OR1F1: variants seen among roughly 807,000 people sequenced by gnomAD.
OR1F1 encodes olfactory receptor 1F1.
For missense variants in OR1F1, 493 were observed against 376.3 expected (o/e 1.31, Z -2.57); for synonymous variants, 184 against 156.7 (o/e 1.17, Z -1.30).
At chr16:3,199,115 C>CAAAAAAAAAAA in the OR1F1 span, among the ~76,000 whole-genome samples, 6 of 52,576 alleles carry the variant, frequency 1.1e-4, no homozygotes, top group African/African-American at 2.0e-4. Context: ...CCTGTCTCTA[C>CAAAAAAAAAAA]AAAAAAAAAA....
chr16:3,191,982 C>T, the OR1F1 span, among the ~76,000 whole-genome samples: 4 of 152,192 alleles, frequency 2.6e-5, no homozygotes, highest in African/African-American at 9.7e-5. Flanking sequence ...AAAGGGCCTG[C>T]TGCTGTGGCT....
chr16:3,205,536 G>C (rs1958197561), downstream of OR1F1, among the ~76,000 whole-genome samples: 1 of 150,300 alleles, frequency 6.7e-6, no homozygotes, highest in Non-Finnish European at 1.5e-5. Flanking sequence ...GCTGGATGCT[G>C]TTGCGGGAAG....
chr16:3,203,970 G>T (rs1300799968), upstream of OR1F1, among the ~76,000 whole-genome samples: 3 of 152,120 alleles, frequency 2.0e-5, no homozygotes, highest in Non-Finnish European at 4.4e-5. Context: ...AACACAAACT[G>T]ACTGAGTTTC....
the OR1F1 span, among the ~76,000 whole-genome samples, chr16:3,197,748 G>A: frequency 2.9e-5 from 3 of 101,986 alleles, no homozygotes; most frequent in African/African-American, 4.0e-5. Context: ...AGAAGGAGAG[G>A]GAGAGGGAGA....
chr16:3,204,941 AG>A lies in OR1F1; in HGVS notation c.698del (p.Gly233GlufsTer48), dbSNP rs1450569712. 1 of 1,613,976 alleles carries A rather than the reference AG, an allele frequency of 6.2e-7. No individual in the cohort carries two copies. Among genetic ancestry groups the A allele is most frequent in the African/African-American group, 1.3e-5 (1 of 74,904 alleles). ...ACTGTCCTGAAGGTCCCATCCACAA[AG>A]GGAAGGTGGAAAGCCTTCTCCACCT... On this transcript the variant is annotated frameshift_variant, in exon 1 of 1. Coordinates refer to ENST00000304646, the Ensembl canonical transcript of OR1F1. LOFTEE classifies it low-confidence loss of function (END_TRUNC).
chr16:3,194,679 G>A, the OR1F1 span, among the ~76,000 whole-genome samples: 5 of 152,096 alleles, frequency 3.3e-5, no homozygotes. Context: ...GGAAAAATAT[G>A]CAGATCAAAA....
chr16:3,195,184 C>G, the OR1F1 span, among the ~76,000 whole-genome samples: 16 of 152,346 alleles, frequency 1.1e-4, no homozygotes, highest in South Asian at 4.1e-4. Context: ...CGCTCTCCCC[C>G]CAACCGTTCC....
the OR1F1 span, among the ~76,000 whole-genome samples, chr16:3,192,967 T>C: frequency 4.6e-5 from 7 of 152,140 alleles, no homozygotes; most frequent in Non-Finnish European, 8.8e-5. Flanking sequence ...AATGGCGTCT[T>C]CCTCTGTCGC....
chr16:3,191,986 T>A, the OR1F1 span, among the ~76,000 whole-genome samples: 1 of 152,194 alleles, frequency 6.6e-6, no homozygotes, highest in Non-Finnish European at 1.5e-5. Flanking sequence ...GGCCTGCTGC[T>A]GTGGCTCGTT....
chr16:3,201,109 A>T (rs188706923), upstream of OR1F1, among the ~76,000 whole-genome samples: 1 of 152,220 alleles, frequency 6.6e-6, no homozygotes, highest in Admixed American at 6.5e-5. Context: ...TTCACTTAGC[A>T]TAATGTCTCA....
the OR1F1 span, among the ~76,000 whole-genome samples, chr16:3,193,632 C>T: frequency 2.0e-5 from 3 of 152,078 alleles, no homozygotes; most frequent in African/African-American, 4.8e-5. Flanking sequence ...GATCTCACTC[C>T]CGTCGCCCAG....
exon 1 of OR1F1, chr16:3,204,616 G>T: frequency 6.2e-7 from 1 of 1,614,124 alleles, no homozygotes; most frequent in South Asian, 1.1e-5. Flanking sequence ...TGACCACTTT[G>T]TCGCCGTGTG....
chr16:3,202,204 C>G (rs527405651), upstream of OR1F1, among the ~76,000 whole-genome samples: 5 of 152,240 alleles, frequency 3.3e-5, no homozygotes, highest in South Asian at 1.0e-3. Flanking sequence ...GGCTGCTAGT[C>G]TGGAAGGATG....
exon 1 of OR1F1, chr16:3,204,494 C>A: frequency 6.2e-7 from 1 of 1,614,164 alleles, no homozygotes; most frequent in Non-Finnish European, 8.5e-7. Context: ...AAGATGCTGG[C>A]CAATCACATA....
the OR1F1 span, among the ~76,000 whole-genome samples, chr16:3,194,545 T>G: frequency 3.3e-5 from 5 of 152,262 alleles, no homozygotes; most frequent in African/African-American, 4.8e-5. Flanking sequence ...ACGGGAGAGA[T>G]GTATGACACT....
the OR1F1 span, among the ~76,000 whole-genome samples, chr16:3,190,016 G>A: frequency 1.7e-4 from 26 of 152,190 alleles, no homozygotes; most frequent in Admixed American, 1.6e-3. Flanking sequence ...GAAGAGACAA[G>A]TCCCTATATA....
chr16:3,202,258 G>A (rs547054415), upstream of OR1F1, among the ~76,000 whole-genome samples: 5 of 152,198 alleles, frequency 3.3e-5, no homozygotes, highest in East Asian at 9.6e-4. Flanking sequence ...CACATGAGGA[G>A]AGGTAATCTG....
At chr16:3,197,787 GGGAGAA>G in the OR1F1 span, among the ~76,000 whole-genome samples, 2 of 19,100 alleles carry the variant, frequency 1.0e-4, no homozygotes, top group African/African-American at 2.1e-4. Context: ...AGGAGGGAGA[GGGAGAA>G]GGAGAGGGAG....
chr16:3,205,318 A>C, downstream of OR1F1: 4 of 681,128 alleles, frequency 5.9e-6, no homozygotes, highest in Non-Finnish European at 9.7e-6. Flanking sequence ...TTAAACTATT[A>C]ATTATAATTT....
Sources: gnomAD v4.1 joint callset for allele counts (sites outside exome capture counted in the v4.1 genomes callset) on GRCh38, gnomAD v4.1.1 for gene constraint, MANE v1.5 for transcripts, NCBI Gene and HGNC (gene_info 2026-07-23, HGNC 2026-07-21) for gene names.